TFDP1: variants seen among roughly 807,000 people sequenced by gnomAD.
TFDP1 encodes the protein DRTF1-polypeptide 1.
In TFDP1, 6 loss-of-function variants were observed where a neutral mutation model predicts 48.0. The ratio of observed to expected loss-of-function variants is 0.13; its 90% CI spans 0.07 to 0.25. TFDP1 has a LOEUF of 0.25. TFDP1 is among the 10% of genes least tolerant of loss of function. The pLI, the probability that TFDP1 is intolerant of heterozygous loss-of-function variation, is 1.00. For missense variants in TFDP1, 335 were observed against 543.0 expected, an observed-to-expected ratio of 0.62 and a Z score of 3.81; for synonymous variants, 201 against 211.6, an observed-to-expected ratio of 0.95 and a Z score of 0.44.
chr13:113,628,370 G>C (rs906663480), intron 4 of TFDP1, among the ~76,000 whole-genome samples: 1 of 152,276 alleles, frequency 6.6e-6, no homozygotes, highest in Non-Finnish European at 1.5e-5. Flanking sequence ...TTGGATTCCA[G>C]CCGTGAGCAC....
chr13:113,601,777 A>G (rs2048433829), intron 2 of TFDP1, among the ~76,000 whole-genome samples: 1 of 152,220 alleles, frequency 6.6e-6, no homozygotes, highest in African/African-American at 2.4e-5. Context: ...GAGCAGAGAG[A>G]GTTCTCCGCA....
In TFDP1 at chr13:113,640,373, T is replaced by C. The variant is rs2140681119; in HGVS notation, c.*106T>C. On this transcript the variant is annotated 3_prime_UTR_variant, in exon 12 of 12. Coordinates refer to ENST00000375370, the MANE Select transcript of TFDP1 (RefSeq NM_007111.5). ...CTTTTGGCCTACTCCCAAGAAGATA[T>C]TGGTAAGCTATTGAATTTAGATATG... 2.7e-6 allele frequency: 4 copies of C among 1,499,962 alleles called. No individual in the cohort carries two copies. Among genetic ancestry groups the C allele is most frequent in the East Asian group, 5.0e-5 (2 of 40,306 alleles). The allele number at this position is 1,499,962 out of a possible 1,614,324, so 92.9% of individuals were successfully genotyped here. A position where few individuals can be genotyped will look rare whatever the true frequency, so the allele number is the denominator to read the frequency against.
chr13:113,630,979 G>C (rs1345190431), intron 4 of TFDP1, among the ~76,000 whole-genome samples: 1 of 152,194 alleles, frequency 6.6e-6, no homozygotes, highest in African/African-American at 2.4e-5. Flanking sequence ...CCCCAGTGCT[G>C]GTGGCCCTCC....
At chr13:113,634,849 C>T (rs908441350) in intron 8 of TFDP1, among the ~76,000 whole-genome samples, 1 of 148,914 alleles carries the variant, frequency 6.7e-6, no homozygotes, top group African/African-American at 2.5e-5. Flanking sequence ...GTGCATGTGC[C>T]TGTGTGCGTG....
intron 2 of TFDP1, among the ~76,000 whole-genome samples, chr13:113,595,049 T>C (rs1234458045): frequency 6.6e-6 from 1 of 152,240 alleles, no homozygotes; most frequent in Non-Finnish European, 1.5e-5. Context: ...CAGTATATTG[T>C]CAGTGTTTTC....
intron 2 of TFDP1, among the ~76,000 whole-genome samples, chr13:113,608,775 A>C (rs2048633123): frequency 6.6e-6 from 1 of 152,142 alleles, no homozygotes; most frequent in African/African-American, 2.4e-5. Flanking sequence ...ACTTTGCTGT[A>C]GTGTCTTGGC....
intron 2 of TFDP1, among the ~76,000 whole-genome samples, chr13:113,608,765 A>G (rs2140384261): frequency 6.6e-6 from 1 of 152,046 alleles, no homozygotes; most frequent in Admixed American, 6.5e-5. Context: ...ACCTTAACCT[A>G]CTTTGCTGTA....
Position 113,633,324 on chromosome 13 carries a change from A to T in TFDP1, c.474+39A>T, listed in dbSNP as rs1402945706. On this transcript the variant is annotated intron_variant, in intron 6 of 11. Transcript: ENST00000375370. This position sits in a 1 kb window ranked among gnomAD's most constrained non-coding sequence, Gnocchi z 4.5. ...GGGGGCCGAGAGGCTGGGGTGGCGGAGCCCAGCGGTGTGGTACGTTTCGCT... is the reference window on the plus strand; with the variant it reads ...GGGGGCCGAGAGGCTGGGGTGGCGGTGCCCAGCGGTGTGGTACGTTTCGCT... 1 of 1,574,888 alleles carries T rather than the reference A, an allele frequency of 6.3e-7. No individual in the cohort carries two copies. Among genetic ancestry groups the T allele is most frequent in the East Asian group, 2.3e-5 (1 of 44,442 alleles).
chr13:113,587,535 A>G (rs1594390487), intron 2 of TFDP1, among the ~76,000 whole-genome samples: 1 of 129,766 alleles, frequency 7.7e-6, no homozygotes, highest in African/African-American at 3.1e-5. Context: ...CCCAAGCTGG[A>G]GTGCAGTGAC....
chr13:113,606,613 A>G (rs1034623112), intron 2 of TFDP1, among the ~76,000 whole-genome samples: 13 of 152,096 alleles, frequency 8.5e-5, no homozygotes, highest in Admixed American at 3.3e-4. Context: ...CAGCCCTGCC[A>G]TCAGCTGCCT....
intron 2 of TFDP1, among the ~76,000 whole-genome samples, chr13:113,588,198 G>T (rs2048052023): frequency 6.6e-6 from 1 of 152,250 alleles, no homozygotes; most frequent in South Asian, 2.1e-4. Flanking sequence ...AACCACAGGT[G>T]TATGTCAAAA....
At chr13:113,630,101 G>A (rs1333821562) in intron 4 of TFDP1, among the ~76,000 whole-genome samples, 1 of 152,046 alleles carries the variant, frequency 6.6e-6, no homozygotes, top group Non-Finnish European at 1.5e-5. Flanking sequence ...AGCCTGAGTG[G>A]CAGGGTCCTT....
intron 2 of TFDP1, among the ~76,000 whole-genome samples, chr13:113,593,389 T>TG (rs1159679878): frequency 2.2e-5 from 3 of 136,100 alleles, no homozygotes; most frequent in Non-Finnish European, 3.1e-5. Context: ...GTGACAGGTG[T>TG]GTGTGCGGGT....
At chr13:113,587,598 C>T (rs971812898) in intron 2 of TFDP1, among the ~76,000 whole-genome samples, 3 of 151,446 alleles carry the variant, frequency 2.0e-5, no homozygotes, top group Non-Finnish European at 2.9e-5. Flanking sequence ...AATCCTCTCG[C>T]CTCAGCCTCC....
At chr13:113,639,896 T>G (rs555620947) in intron 11 of TFDP1, among the ~76,000 whole-genome samples, 37 of 152,386 alleles carry the variant, frequency 2.4e-4, no homozygotes, top group African/African-American at 8.7e-4. Flanking sequence ...TCTGTCGTTA[T>G]GGGTTCCAGG....
At position 113,641,448 on chromosome 13, in the gene TFDP1, A is replaced by G. The variant is rs1206704365; in HGVS notation, c.*1181A>G. On this transcript the variant is annotated 3_prime_UTR_variant, in exon 12 of 12. Coordinates refer to ENST00000375370, the MANE Select transcript of TFDP1 (RefSeq NM_007111.5). ...CTTGGCACTGTTAGTTTTTATTAAT[A>G]AAACGCGCATGGGCATTTTAAACAA... The G allele has an allele frequency of 6.6e-6, 1 of 152,280 alleles. No individual in the cohort carries two copies. The highest frequency in any genetic ancestry group is 6.5e-5 in the Admixed American group (1 of 15,288). 9.4% of individuals were successfully genotyped at this position (152,280 alleles called of 1,614,324 possible).
chr13:113,619,470 C>CAA (rs950584099), intron 3 of TFDP1, among the ~76,000 whole-genome samples: 13 of 63,286 alleles, frequency 2.1e-4, no homozygotes, highest in Admixed American at 6.4e-4. Context: ...GACTCCATCT[C>CAA]AAAAAAAAAA....
chr13:113,602,558 G>A (rs1192387321), intron 2 of TFDP1, among the ~76,000 whole-genome samples: 1 of 152,174 alleles, frequency 6.6e-6, no homozygotes, highest in African/African-American at 2.4e-5. Context: ...GTCTGGCGCA[G>A]GCCACTCCAG....
intron 3 of TFDP1, among the ~76,000 whole-genome samples, chr13:113,617,169 G>A (rs1340058537): frequency 6.6e-6 from 1 of 152,192 alleles, no homozygotes; most frequent in Non-Finnish European, 1.5e-5. Context: ...TGTGATTTGT[G>A]CAACGGAGGC....
Sources: allele counts gnomAD v4.1 joint callset (sites outside exome capture counted in the v4.1 genomes callset), GRCh38; gene constraint gnomAD v4.1.1; non-coding constraint Gnocchi (gnomAD v3.1); transcripts MANE v1.5; gene names NCBI Gene and HGNC (gene_info 2026-07-23, HGNC 2026-07-21).